Variants in PRELID2 observed in about 807,000 individuals in gnomAD.
PRELID2 encodes PRELI domain containing 2, also known as PRELI domain-containing protein 2.
A neutral mutation model predicts 28.4 loss-of-function variants in PRELID2; 25 were observed. The ratio of observed to expected loss-of-function variants is 0.88; its 90% CI spans 0.64 to 1.23. The LOEUF (loss-of-function observed/expected upper bound fraction) is 1.23, where lower values mean the gene tolerates loss of function less well. Among genes scored for constraint, PRELID2 ranks in the 50% most tolerant of loss-of-function variants. The pLI is 0.00. For synonymous variants in PRELID2, 76 were observed against 71.6 expected (o/e 1.06, Z -0.31); for missense variants, 201 against 214.4 (o/e 0.94, Z 0.39).
chr5:145,549,637 A>T, intron 1 of PRELID2, among the ~76,000 whole-genome samples: 1 of 134,902 alleles, frequency 7.4e-6, no homozygotes, highest in East Asian at 2.0e-4. Context: ...TACTAAAAAT[A>T]CAAAAAAATT....
At chr5:145,337,719 A>C in the PRELID2 span, among the ~76,000 whole-genome samples, 2 of 37,508 alleles carry the variant, frequency 5.3e-5, no homozygotes, top group African/African-American at 2.1e-4. Context: ...ATATATATAT[A>C]TATATATATA....
the PRELID2 span, among the ~76,000 whole-genome samples, chr5:145,347,586 CT>C: frequency 6.6e-6 from 1 of 151,986 alleles, no homozygotes; most frequent in South Asian, 2.1e-4. Context: ...ATGGAGTTTT[CT>C]TTTTCTATTT....
chr5:145,752,700 C>G (rs1440912284), downstream of PRELID2, among the ~76,000 whole-genome samples: 1 of 152,252 alleles, frequency 6.6e-6, no homozygotes, highest in Non-Finnish European at 1.5e-5. Flanking sequence ...TTCCTCTCCT[C>G]ACCCCACATC....
intron 1 of PRELID2, among the ~76,000 whole-genome samples, chr5:145,543,751 T>C (rs909893514): frequency 1.8e-4 from 28 of 152,136 alleles, no homozygotes; most frequent in Non-Finnish European, 3.2e-4. Context: ...TCCAACAACC[T>C]TTCTCTAGGA....
chr5:145,496,365 C>G (rs192207107), intron 1 of PRELID2, among the ~76,000 whole-genome samples: 7 of 152,058 alleles, frequency 4.6e-5, no homozygotes, highest in African/African-American at 1.4e-4. Context: ...TTGTAGGTCA[C>G]AAATATATAC....
At chr5:145,596,474 T>G (rs1194745957) in intron 1 of PRELID2, among the ~76,000 whole-genome samples, 1 of 152,118 alleles carries the variant, frequency 6.6e-6, no homozygotes, top group Non-Finnish European at 1.5e-5. Flanking sequence ...ATTCTTGTTC[T>G]TGTTTCAAAT....
chr5:145,479,544 A>C (rs927890623), intron 1 of PRELID2, among the ~76,000 whole-genome samples: 3 of 152,120 alleles, frequency 2.0e-5, no homozygotes, highest in Admixed American at 6.5e-5. Flanking sequence ...CCATTCACTT[A>C]ATTGTCTGCC....
rs569840974 is a variant in PRELID2 at position 145,800,508 on chromosome 5, T to A, written c.369-3961A>T. Among the ~76,000 whole-genome samples, 10 of 152,308 alleles carry A rather than the reference T, an allele frequency of 6.6e-5. No homozygotes were observed. The South Asian group carries it at 1.2e-3, about 19-fold the overall frequency. ...TAGAATTTTACAGTGATTTTAATAT[T>A]GAGAAATGAAAAGTTGAGCAGTCTC... On this transcript the variant is annotated intron_variant, in intron 4 of 6. Coordinates refer to ENST00000683046, the MANE Select transcript of PRELID2 (RefSeq NM_205846.3).
intron 6 of PRELID2, among the ~76,000 whole-genome samples, chr5:145,761,191 C>T (rs887555850): frequency 1.3e-5 from 2 of 152,126 alleles, no homozygotes; most frequent in African/African-American, 4.8e-5. Context: ...TCCCACAAAA[C>T]GTCTTTTAAG....
the PRELID2 span, among the ~76,000 whole-genome samples, chr5:145,322,770 G>A: frequency 6.6e-6 from 1 of 151,956 alleles, no homozygotes; most frequent in Non-Finnish European, 1.5e-5. Context: ...AAAATTGGCC[G>A]GGCACGGTGG....
chr5:145,385,660 C>G, the PRELID2 span, among the ~76,000 whole-genome samples: 3 of 152,096 alleles, frequency 2.0e-5, no homozygotes, highest in Non-Finnish European at 2.9e-5. Flanking sequence ...GAACTTTTGG[C>G]CTATAAGTAC....
In PRELID2 at chr5:145,741,951, A is replaced by ATAATTATTTAT. The variant is rs1378649078; in HGVS notation, n.70+22979_70+22980insATAAATAATTA. On this transcript the variant is annotated intron_variant and non_coding_transcript_variant, in intron 1 of 2. Transcript: ENST00000510259. ...AAATTTATTATAAATAAATAAATTT[A>ATAATTATTTAT]TTATAATTAAATAAATAAATTTATT... is the stretch of plus-strand genomic sequence containing the variant. 7.8e-4 allele frequency among the ~76,000 whole-genome samples: 5 copies of ATAATTATTTAT among 6,444 alleles called. 1 individual carries two copies. Among genetic ancestry groups the ATAATTATTTAT allele is most frequent in the African/African-American group, 1.2e-3 (5 of 4,296 alleles). The allele number at this position is 6,444 out of a possible 152,430, so 4.2% of individuals were successfully genotyped here. A position where few individuals can be genotyped will look rare whatever the true frequency, so the allele number is the denominator to read the frequency against.
At chr5:145,600,388 C>T (rs1436663367) in intron 1 of PRELID2, among the ~76,000 whole-genome samples, 1 of 140,186 alleles carries the variant, frequency 7.1e-6, no homozygotes, top group Non-Finnish European at 1.5e-5. Flanking sequence ...ACAGTAAGTG[C>T]ATCCAAAAGG....
the PRELID2 span, chr5:145,450,689 T>C: frequency 6.6e-6 from 1 of 152,198 alleles, no homozygotes; most frequent in Non-Finnish European, 1.5e-5. Flanking sequence ...TCAAAGCAGA[T>C]GTGTCTAAGA....
intron 1 of PRELID2, among the ~76,000 whole-genome samples, chr5:145,599,573 A>G (rs1172861775): frequency 6.6e-6 from 1 of 152,126 alleles, no homozygotes; most frequent in Non-Finnish European, 1.5e-5. Context: ...CTTACGCTCG[A>G]GATACTTGAA....
At chr5:145,692,008 C>T (rs143008700) in intron 1 of PRELID2, among the ~76,000 whole-genome samples, 55 of 152,224 alleles carry the variant, frequency 3.6e-4, no homozygotes, top group African/African-American at 1.3e-3. Context: ...CTATCACAAG[C>T]GAGTCCTCCT....
intron 1 of PRELID2, among the ~76,000 whole-genome samples, chr5:145,541,002 T>C (rs1298522878): frequency 6.6e-6 from 1 of 152,066 alleles, no homozygotes; most frequent in Non-Finnish European, 1.5e-5. Context: ...GGCTTTAATA[T>C]ATTCCATTAA....
At chr5:145,282,153 A>C in the PRELID2 span, among the ~76,000 whole-genome samples, 1 of 152,198 alleles carries the variant, frequency 6.6e-6, no homozygotes, top group African/African-American at 2.4e-5. Flanking sequence ...AAGTCCACAA[A>C]TGTTAACTAT....
At chr5:145,385,448 C>A in the PRELID2 span, among the ~76,000 whole-genome samples, 1 of 152,134 alleles carries the variant, frequency 6.6e-6, no homozygotes, top group African/African-American at 2.4e-5. Context: ...ATGGTGTCTT[C>A]CATCAGAAGC....
Sources: gnomAD v4.1 joint callset for allele counts (sites outside exome capture counted in the v4.1 genomes callset) on GRCh38, gnomAD v4.1.1 for gene constraint, MANE v1.5 for transcripts, NCBI Gene and HGNC (gene_info 2026-07-23, HGNC 2026-07-21) for gene names.